The following ADGB variants were observed in gnomAD, a reference collection of about 807,000 sequenced individuals.
The protein encoded by ADGB is calpain-7-like protein.
A neutral mutation model predicts 210.5 loss-of-function variants in ADGB; 172 were observed. The observed-to-expected ratio is 0.82, with a 90% CI of 0.72 to 0.93. The LOEUF (loss-of-function observed/expected upper bound fraction) is 0.93. Ranked by LOEUF, ADGB falls within the 40% of genes least tolerant of loss-of-function variation. The pLI is 0.00. For synonymous variants in ADGB, 658 were observed against 662.7 expected (o/e 0.99, Z 0.11); for missense variants, 2,025 against 1,964.8 (o/e 1.03, Z -0.58).
intron 1 of ADGB, among the ~76,000 whole-genome samples, chr6:146,605,548 C>T (rs925064000): frequency 6.6e-6 from 1 of 152,040 alleles, no homozygotes. Context: ...TTCATAAATG[C>T]ATGTGTAATT....
chr6:146,796,383 G>A (rs914104791), intron 33 of ADGB, among the ~76,000 whole-genome samples: 1 of 152,072 alleles, frequency 6.6e-6, no homozygotes, highest in African/African-American at 2.4e-5. Context: ...AGCCTACATA[G>A]TGAAAGCACG....
chr6:146,744,550 C>A (rs145334481), intron 25 of ADGB, among the ~76,000 whole-genome samples: 3 of 152,124 alleles, frequency 2.0e-5, no homozygotes, highest in Non-Finnish European at 4.4e-5. Context: ...TTATGAGCTG[C>A]GGCAGAACTT....
At chr6:146,682,447 A>C (rs10499241) in intron 9 of ADGB, among the ~76,000 whole-genome samples, 12,381 of 152,176 alleles carry the variant, frequency 0.081, 1,436 homozygotes, top group African/African-American at 0.26. Flanking sequence ...ATTTTAAGGC[A>C]GTTTTAGAGA....
At position 146,721,390 on chromosome 6, in the gene ADGB, T is replaced by G. The variant is rs1562283136; in HGVS notation, c.1993-13T>G. The G allele has an allele frequency of 6.8e-7, 1 of 1,472,984 alleles. No homozygotes were observed. The highest frequency in any genetic ancestry group is 9.3e-7 in the Non-Finnish European group (1 of 1,075,148). 91.2% of individuals were successfully genotyped at this position (1,472,984 alleles called of 1,614,324 possible). On this transcript the variant is annotated splice_polypyrimidine_tract_variant and intron_variant, in intron 16 of 35. Coordinates refer to ENST00000397944, the MANE Select transcript of ADGB (RefSeq NM_024694.4). ...CTGATATTAAGTATGACAACTGGTC[T>G]AATTTCTTGCAGTTCTCAGAAGAAC...
At chr6:146,739,981 T>C (rs1425025589) in intron 23 of ADGB, among the ~76,000 whole-genome samples, 1 of 152,222 alleles carries the variant, frequency 6.6e-6, no homozygotes, top group Non-Finnish European at 1.5e-5. Flanking sequence ...AAGCCAGCAC[T>C]CTCCACTTGC....
At chr6:146,651,876 G>T (rs1775708349) in intron 3 of ADGB, among the ~76,000 whole-genome samples, 1 of 152,086 alleles carries the variant, frequency 6.6e-6, no homozygotes, top group Non-Finnish European at 1.5e-5. Context: ...GTTTCAAAAT[G>T]CATTTTGAAG....
chr6:146,725,931 A>G, intron 18 of ADGB, 152 bp from the exon 19 acceptor site: 1 of 528,618 alleles, frequency 1.9e-6, no homozygotes, highest in Non-Finnish European at 3.5e-6. Context: ...TAGAGTGCAA[A>G]TTCAAAGATC....
intron 21 of ADGB, 31 bp downstream of exon 21, chr6:146,733,286 G>A: frequency 7.0e-7 from 1 of 1,437,716 alleles, no homozygotes; most frequent in African/African-American, 1.5e-5. Flanking sequence ...TTTAATCAAG[G>A]AATTCCTAGT....
At chr6:146,746,712 T>C (rs1396006623) in intron 26 of ADGB, among the ~76,000 whole-genome samples, 2 of 152,202 alleles carry the variant, frequency 1.3e-5, no homozygotes, top group Non-Finnish European at 2.9e-5. Context: ...CATATTTAAA[T>C]ATGTGATTCT....
At chr6:146,794,018 G>C (rs1386120136) in intron 33 of ADGB, among the ~76,000 whole-genome samples, 1 of 152,080 alleles carries the variant, frequency 6.6e-6, no homozygotes, top group Non-Finnish European at 1.5e-5. Context: ...AGATAAACTG[G>C]CTATTCCGGT....
At chr6:146,720,795 G>T (rs373382143) in intron 16 of ADGB, among the ~76,000 whole-genome samples, 2 of 152,080 alleles carry the variant, frequency 1.3e-5, no homozygotes. Flanking sequence ...GAACTCCATC[G>T]CTAGAAAAGC....
At chr6:146,691,461 AATATATATATATATAAATATATATAT>A in intron 11 of ADGB, among the ~76,000 whole-genome samples, 171 bp downstream of exon 11, 2 of 18,242 alleles carry the variant, frequency 1.1e-4, no homozygotes, top group Non-Finnish European at 1.6e-4. Context: ...TATATATAAA[AATATATATATATATAAATATATATAT>A]ATATATATAT....
chr6:146,752,552 C>T lies in ADGB; in HGVS notation c.3388C>T (p.Pro1130Ser), dbSNP rs1283758006. ...LFRYSVKVLT[P>S]QPATIQVRTS... Reference sequence around the variant, plus strand: ...CAGGTATTCGGTTAAAGTTCTAACACCACAACCTGCTACAATACAGGTACG... The same window carrying T: ...CAGGTATTCGGTTAAAGTTCTAACATCACAACCTGCTACAATACAGGTACG... Residue 1130 changes from proline (P) to serine (S), a missense_variant, in exon 27 of 36, where the codon CCA becomes TCA. Coordinates refer to ENST00000397944, the MANE Select transcript of ADGB (RefSeq NM_024694.4). 11 of 1,546,864 alleles carry T rather than the reference C, an allele frequency of 7.1e-6. No homozygotes were observed. The Admixed American group carries it at 7.9e-5, about 11-fold the overall frequency.
At chr6:146,656,032 CA>C (rs1409539588) in intron 4 of ADGB, among the ~76,000 whole-genome samples, 1 of 144,844 alleles carries the variant, frequency 6.9e-6, no homozygotes, top group Non-Finnish European at 1.6e-5. Context: ...TTCTAGTCCT[CA>C]CAAAAAAAAA....
chr6:146,790,154 C>T (rs1002350751), intron 33 of ADGB, among the ~76,000 whole-genome samples: 1 of 151,994 alleles, frequency 6.6e-6, no homozygotes, highest in Non-Finnish European at 1.5e-5. Flanking sequence ...TAAATATATT[C>T]ATTACCTCAA....
intron 33 of ADGB, among the ~76,000 whole-genome samples, chr6:146,795,381 G>A (rs901369049): frequency 2.0e-5 from 3 of 152,066 alleles, no homozygotes. Context: ...CTACAGAAAG[G>A]GAGAAAATTT....
At chr6:146,629,425 T>A (rs1483366127) in intron 1 of ADGB, among the ~76,000 whole-genome samples, 1 of 152,168 alleles carries the variant, frequency 6.6e-6, no homozygotes, top group Non-Finnish European at 1.5e-5. Flanking sequence ...TTTTAAGTAA[T>A]CTTCAATATA....
chr6:146,676,226 C>T (rs1776081044), intron 8 of ADGB, 87 bp from the exon 9 acceptor site: 2 of 1,256,728 alleles, frequency 1.6e-6, no homozygotes, highest in Non-Finnish European at 1.1e-6. Flanking sequence ...TTATTTTGGC[C>T]TTTTTTCTTT....
intron 22 of ADGB, 85 bp from the exon 23 acceptor site, chr6:146,736,413 C>T: frequency 1.1e-6 from 1 of 880,834 alleles, no homozygotes; most frequent in Non-Finnish European, 1.7e-6. Context: ...GTTTCAACTT[C>T]ATTTGTGAAA....
Sources: gnomAD v4.1 joint callset for allele counts (sites outside exome capture counted in the v4.1 genomes callset) on GRCh38, gnomAD v4.1.1 for gene constraint, MANE v1.5 for transcripts, NCBI Gene and HGNC (gene_info 2026-07-23, HGNC 2026-07-21) for gene names.